The following CCSER1 variants were observed in gnomAD, a reference collection of about 807,000 sequenced individuals.
CCSER1 encodes serine-rich coiled-coil domain-containing protein 1.
In CCSER1, 41 loss-of-function variants were observed where a neutral mutation model predicts 82.0. The observed-to-expected ratio is 0.50, with a 90% CI of 0.39 to 0.65. CCSER1 has a LOEUF of 0.65. CCSER1 is among the 30% of genes least tolerant of loss of function. CCSER1 has a pLI of 0.00. For missense variants in CCSER1, 1,119 were observed against 1,064.2 expected (o/e 1.05, Z -0.72); for synonymous variants, 414 against 383.9 (o/e 1.08, Z -0.92).
At chr4:90,756,631 T>C (rs1457297327) in intron 7 of CCSER1, among the ~76,000 whole-genome samples, 1 of 152,178 alleles carries the variant, frequency 6.6e-6, no homozygotes. Flanking sequence ...TTTGATATAT[T>C]TGTGACACAC....
chr4:90,739,723 TTC>T (rs1289200262), intron 7 of CCSER1, among the ~76,000 whole-genome samples: 1 of 152,210 alleles, frequency 6.6e-6, no homozygotes, highest in Non-Finnish European at 1.5e-5. Context: ...CTGAGTCACT[TTC>T]CACTGTGACC....
rs749542217 is a variant in CCSER1 at position 90,468,249 on chromosome 4, C to T, written c.1619C>T (p.Ser540Leu). The change falls in exon 5 of 11, where the codon TCA (serine) becomes TTA (leucine). Residue 540 changes from serine (S) to leucine (L), a missense_variant. By Grantham distance (145) the Ser-to-Leu change is moderately radical. Transcript: ENST00000509176. The stretch of plus-strand genomic sequence containing the variant: ...TTTTGAACAGTTTGCCGGGAGGACT[C>T]ATATCACTCTGTCGTCTCATGTGCC... Reference protein sequence around the residue: ...SLHPSVCREDSYHSVVSCAAV... With the variant: ...SLHPSVCREDLYHSVVSCAAV... 32 of 1,601,636 alleles carry T rather than the reference C, an allele frequency of 2.0e-5. No individual in the cohort carries two copies. In the African/African-American group the frequency reaches 3.9e-4, roughly 19 times the overall value.
At chr4:90,415,219 CAT>C (rs768432637) in intron 4 of CCSER1, among the ~76,000 whole-genome samples, 2 of 152,128 alleles carry the variant, frequency 1.3e-5, no homozygotes, top group Non-Finnish European at 2.9e-5. Flanking sequence ...ATTTTGCTCA[CAT>C]GTCTTCATAA....
At chr4:90,753,463 A>T (rs973087776) in intron 7 of CCSER1, among the ~76,000 whole-genome samples, 21 of 152,254 alleles carry the variant, frequency 1.4e-4, no homozygotes, top group African/African-American at 4.6e-4. Context: ...AGGAAAAAGA[A>T]TAGAAATTCA....
intron 1 of CCSER1, among the ~76,000 whole-genome samples, chr4:90,271,890 T>TTTTTTTTTTTTTA (rs1553982851): frequency 4.3e-5 from 3 of 70,124 alleles, no homozygotes; most frequent in Non-Finnish European, 8.1e-5. Flanking sequence ...TTTTTTTTTT[T>TTTTTTTTTTTTTA]AAAAGGAGGT....
chr4:90,794,694 G>T (rs979843063), intron 7 of CCSER1, among the ~76,000 whole-genome samples: 2 of 152,042 alleles, frequency 1.3e-5, no homozygotes, highest in African/African-American at 4.8e-5. Context: ...GCATTTTCTG[G>T]TTCTGTGAAG....
chr4:90,539,124 A>G lies in CCSER1; in HGVS notation c.1724+70770A>G, dbSNP rs547669298. ...AATTATAAAGGTACGTAAACTTATT[A>G]TATCACAATTTTGTTTTAAATATTT... On this transcript the variant is annotated intron_variant, in intron 5 of 10. Transcript: ENST00000509176. 7.2e-5 allele frequency among the ~76,000 whole-genome samples: 11 copies of G among 152,212 alleles called. No individual in the cohort carries two copies. In the East Asian group the frequency reaches 2.1e-3, roughly 29 times the overall value.
chr4:91,558,981 A>G (rs1762533097), intron 10 of CCSER1, among the ~76,000 whole-genome samples: 1 of 151,586 alleles, frequency 6.6e-6, no homozygotes. Flanking sequence ...CAAATTATAT[A>G]TCTACAGAAT....
intron 1 of CCSER1, among the ~76,000 whole-genome samples, chr4:90,278,923 A>G (rs989183096): frequency 6.6e-6 from 1 of 152,152 alleles, no homozygotes; most frequent in Non-Finnish European, 1.5e-5. Flanking sequence ...TTGTCTAATC[A>G]GGGCATATTT....
chr4:91,482,318 C>A (rs1474956260), intron 10 of CCSER1, among the ~76,000 whole-genome samples: 1 of 87,228 alleles, frequency 1.1e-5, no homozygotes, highest in African/African-American at 5.3e-5. Flanking sequence ...AGGAGAATGG[C>A]GTGAACCCGG....
At chr4:90,674,489 G>A (rs1278655909) in intron 6 of CCSER1, among the ~76,000 whole-genome samples, 1 of 151,914 alleles carries the variant, frequency 6.6e-6, no homozygotes, top group Non-Finnish European at 1.5e-5. Context: ...GAGAGAGTAG[G>A]ATGAAATGGA....
chr4:91,462,727 G>A lies in CCSER1; in HGVS notation c.2218-135845G>A, dbSNP rs188460363. ...GGAGATTATATCTTGTGCCTGGCTC[G>A]GAGGGTCCCACACCCACGGAGCCTC... On this transcript the variant is annotated intron_variant, in intron 10 of 10. Coordinates refer to ENST00000509176, the MANE Select transcript of CCSER1 (RefSeq NM_001145065.2). 9.8e-3 allele frequency among the ~76,000 whole-genome samples: 1,491 copies of A among 152,218 alleles called. 9 individuals are homozygous for A. Among genetic ancestry groups the A allele is most frequent in the Middle Eastern group, 0.02 (6 of 294 alleles).
intron 10 of CCSER1, among the ~76,000 whole-genome samples, chr4:91,224,716 T>C (rs1456881620): frequency 2.0e-5 from 3 of 152,120 alleles, no homozygotes; most frequent in Admixed American, 2.0e-4. Flanking sequence ...TCTCCCTTTA[T>C]AAATGTGTCC....
intron 4 of CCSER1, among the ~76,000 whole-genome samples, chr4:90,452,768 C>A (rs1761645327): frequency 6.6e-6 from 1 of 152,178 alleles, no homozygotes; most frequent in Non-Finnish European, 1.5e-5. Flanking sequence ...TGCCATGTAT[C>A]TATACCTGCA....
intron 10 of CCSER1, among the ~76,000 whole-genome samples, chr4:91,294,973 C>A (rs1279636143): frequency 6.6e-6 from 1 of 151,930 alleles, no homozygotes; most frequent in East Asian, 1.9e-4. Context: ...CATTGTTCTA[C>A]TCCAACTCAA....
intron 10 of CCSER1, among the ~76,000 whole-genome samples, chr4:91,593,244 G>A (rs1362952009): frequency 3.3e-5 from 5 of 152,002 alleles, no homozygotes; most frequent in East Asian, 3.9e-4. Context: ...TAAATTGCCC[G>A]TGCAATGTGT....
At chr4:90,343,703 A>AC (rs1341112598) in intron 3 of CCSER1, among the ~76,000 whole-genome samples, 3 of 152,202 alleles carry the variant, frequency 2.0e-5, no homozygotes, top group Non-Finnish European at 4.4e-5. Context: ...CTTTTTGGTA[A>AC]CACAAAGTGT....
At chr4:91,352,439 C>T (rs112762266) in intron 10 of CCSER1, among the ~76,000 whole-genome samples, 10 of 152,016 alleles carry the variant, frequency 6.6e-5, no homozygotes, top group Non-Finnish European at 1.5e-4. Flanking sequence ...GTAGAGACAG[C>T]GTTTCACTGT....
chr4:91,489,781 C>CCAT (rs1285562717), intron 10 of CCSER1, among the ~76,000 whole-genome samples: 3 of 28,236 alleles, frequency 1.1e-4, no homozygotes, highest in Non-Finnish European at 3.1e-4. Context: ...GAGCGAGACT[C>CCAT]CATCTTAAAA....
Sources: gnomAD v4.1 joint callset for allele counts (sites outside exome capture counted in the v4.1 genomes callset) on GRCh38, gnomAD v4.1.1 for gene constraint, MANE v1.5 for transcripts, NCBI Gene and HGNC (gene_info 2026-07-23, HGNC 2026-07-21) for gene names.